RNFT2: variants seen among roughly 807,000 people sequenced by gnomAD.
RNFT2 encodes the protein E3 ubiquitin-protein ligase RNFT2.
A neutral mutation model predicts 53.0 loss-of-function variants in RNFT2; 36 were observed. The observed-to-expected ratio is 0.68, with a 90% confidence interval of 0.52 to 0.90. RNFT2 has a LOEUF of 0.90. Ranked by LOEUF, RNFT2 falls within the 40% of genes least tolerant of loss-of-function variation. RNFT2 has a pLI of 0.00. For synonymous variants in RNFT2, 260 were observed against 253.2 expected (o/e 1.03, Z -0.26); for missense variants, 514 against 585.6 (o/e 0.88, Z 1.26).
chr12:116,834,013 C>T (rs1164369396), intron 8 of RNFT2, 72 bp downstream of exon 8: 1 of 1,373,530 alleles, frequency 7.3e-7, no homozygotes, highest in East Asian at 2.7e-5. Context: ...CAGGGGGCTC[C>T]TGGGCAACCT....
At chr12:116,802,228 C>A (rs1488200421) in intron 7 of RNFT2, among the ~76,000 whole-genome samples, 1 of 152,202 alleles carries the variant, frequency 6.6e-6, no homozygotes, top group African/African-American at 2.4e-5. Flanking sequence ...TGAGAAGTCC[C>A]GCAATAAAGA....
intron 5 of RNFT2, among the ~76,000 whole-genome samples, chr12:116,763,795 G>T (rs896096574): frequency 1.9e-5 from 2 of 104,770 alleles, no homozygotes; most frequent in Non-Finnish European, 3.9e-5. Flanking sequence ...AAAAGGGGGC[G>T]GGGGGGGAAA....
At chr12:116,841,842 TATAAATATATATAAAA>T (rs1877302360) in intron 10 of RNFT2, among the ~76,000 whole-genome samples, 2 of 21,746 alleles carry the variant, frequency 9.2e-5, no homozygotes, top group African/African-American at 4.1e-4. Flanking sequence ...TAAATATATA[TATAAATATATATAAAA>T]ATATATATAT....
chr12:116,781,554 G>A (rs76069216), intron 7 of RNFT2, among the ~76,000 whole-genome samples: 3,823 of 151,792 alleles, frequency 0.025, 141 homozygotes, highest in African/African-American at 0.086. Context: ...TCCGTCTTCC[G>A]AGTCAGTGAT....
At chr12:116,752,982 C>T (rs1434019078) in intron 4 of RNFT2, among the ~76,000 whole-genome samples, 1 of 152,086 alleles carries the variant, frequency 6.6e-6, no homozygotes, top group African/African-American at 2.4e-5. Flanking sequence ...AAGATTGTAG[C>T]TTGGCAAACA....
intron 7 of RNFT2, among the ~76,000 whole-genome samples, chr12:116,818,913 T>A (rs545849996): frequency 7.9e-5 from 12 of 152,278 alleles, no homozygotes; most frequent in Non-Finnish European, 1.8e-4. Context: ...AAGGAGGAAC[T>A]GGGGTAAAGG....
intron 5 of RNFT2, among the ~76,000 whole-genome samples, chr12:116,764,499 C>G (rs1250763516): frequency 3.3e-5 from 5 of 152,206 alleles, no homozygotes; most frequent in Non-Finnish European, 7.3e-5. Flanking sequence ...TCCATTTGCA[C>G]ATGAGCACAT....
chr12:116,834,625 A>C lies in RNFT2; in HGVS notation c.1032+684A>C, dbSNP rs114104096. On this transcript the variant is annotated intron_variant, in intron 8 of 10. Transcript: ENST00000257575. ...CTGCTTTTTCTGTCTCTATGAATAT[A>C]CTTATTATGAATGTTTCATATAAAT... Among the ~76,000 whole-genome samples the C allele has an allele frequency of 2.4e-3, 372 of 152,244 alleles. 2 individuals are homozygous for C. Among genetic ancestry groups the C allele is most frequent in the African/African-American group, 8.5e-3 (354 of 41,528 alleles).
chr12:116,750,846 TATATAATA>T lies in RNFT2; in HGVS notation c.550+540_550+547del, dbSNP rs1872182062. Among the ~76,000 whole-genome samples, 4 of 1,984 alleles carry T rather than the reference TATATAATA, an allele frequency of 2.0e-3. 1 individual carries two copies. The South Asian group carries it at 0.056, about 28-fold the overall frequency. The allele number at this position is 1,984 out of a possible 152,430, so 1.3% of individuals were successfully genotyped here. On this transcript the variant is annotated intron_variant, in intron 4 of 10. Transcript: ENST00000257575. ...ATATATATAATATATATATTATATA[TATATAATA>T]TATATTATATATATATAATATATAT...
At chr12:116,763,318 A>G (rs1021743560) in intron 5 of RNFT2, among the ~76,000 whole-genome samples, 1 of 152,198 alleles carries the variant, frequency 6.6e-6, no homozygotes, top group African/African-American at 2.4e-5. Context: ...CAAAACCACA[A>G]TGCAGTACCA....
intron 7 of RNFT2, among the ~76,000 whole-genome samples, chr12:116,828,332 A>G (rs1876452350): frequency 6.6e-6 from 1 of 152,198 alleles, no homozygotes; most frequent in East Asian, 1.9e-4. Context: ...AAGAGCCTGC[A>G]TTTCTAACCA....
intron 8 of RNFT2, among the ~76,000 whole-genome samples, chr12:116,834,599 T>C (rs1876861707): frequency 6.6e-6 from 1 of 152,158 alleles, no homozygotes; most frequent in Non-Finnish European, 1.5e-5. Context: ...CAACCACAAA[T>C]CTGCTTTTTC....
At chr12:116,766,982 C>A in intron 6 of RNFT2, 68 bp downstream of exon 6, 6 of 1,085,872 alleles carry the variant, frequency 5.5e-6, no homozygotes, top group Non-Finnish European at 8.2e-6. Context: ...GGCACGTACC[C>A]TTTCACTTGA....
intron 6 of RNFT2, among the ~76,000 whole-genome samples, chr12:116,770,471 C>T (rs549895642): frequency 6.6e-6 from 1 of 152,218 alleles, no homozygotes; most frequent in Non-Finnish European, 1.5e-5. Flanking sequence ...AGTCATTAAG[C>T]GATGTATGAC....
At chr12:116,825,679 C>A (rs1404321458) in intron 7 of RNFT2, among the ~76,000 whole-genome samples, 1 of 152,174 alleles carries the variant, frequency 6.6e-6, no homozygotes, top group Non-Finnish European at 1.5e-5. Flanking sequence ...GGCAAACACA[C>A]AAATCAGGGC....
intron 7 of RNFT2, among the ~76,000 whole-genome samples, chr12:116,810,272 G>A (rs889133384): frequency 3.3e-5 from 5 of 152,178 alleles, no homozygotes; most frequent in Admixed American, 2.0e-4. Flanking sequence ...TGACATCAGA[G>A]CTGAGTTTTA....
chr12:116,784,365 T>C (rs1207547142), intron 7 of RNFT2, among the ~76,000 whole-genome samples: 1 of 152,234 alleles, frequency 6.6e-6, no homozygotes. Context: ...GCCCCGGTCA[T>C]TTTGTGTACC....
At chr12:116,849,225 G>T in intron 10 of RNFT2, 89 bp from the exon 11 acceptor site, 1 of 1,119,396 alleles carries the variant, frequency 8.9e-7, no homozygotes, top group Non-Finnish European at 1.3e-6. Flanking sequence ...GGGGTTGTCT[G>T]TCTAGTCCGC....
chr12:116,774,754 C>G (rs1873349276), intron 6 of RNFT2, among the ~76,000 whole-genome samples: 1 of 134,970 alleles, frequency 7.4e-6, no homozygotes, highest in Non-Finnish European at 1.5e-5. Flanking sequence ...AGTGCATGGT[C>G]TAGAATGTCA....
Sources: allele counts gnomAD v4.1 joint callset (sites outside exome capture counted in the v4.1 genomes callset), GRCh38; gene constraint gnomAD v4.1.1; transcripts MANE v1.5; gene names NCBI Gene and HGNC (gene_info 2026-07-23, HGNC 2026-07-21).